Variants in ORM1 observed in about 807,000 individuals in gnomAD.
ORM1 encodes orosomucoid 1, also known as alpha-1-acid glycoprotein 1.
In ORM1, 13 loss-of-function variants were observed where a neutral mutation model predicts 26.9. The ratio of observed to expected loss-of-function variants is 0.48; its 90% confidence interval spans 0.31 to 0.77. The LOEUF is 0.77. ORM1 is among the 30% of genes least tolerant of loss of function. The probability of loss-of-function intolerance (pLI) is 0.04; values close to 1 mark genes in which losing one functional copy is unlikely to be tolerated. For synonymous variants in ORM1, 76 were observed against 102.2 expected (o/e 0.74, Z 1.55); for missense variants, 189 against 246.8 (o/e 0.77, Z 1.57).
intron 1 of ORM1, 143 bp downstream of exon 1, chr9:114,323,390 C>G: frequency 6.8e-7 from 1 of 1,475,538 alleles, no homozygotes; most frequent in Non-Finnish European, 9.3e-7. Context: ...GAAATTCTCA[C>G]CAGCCCAGGG....
chr9:114,325,209 C>T, intron 5 of ORM1, 57 bp downstream of exon 5: 1 of 1,495,126 alleles, frequency 6.7e-7, no homozygotes, highest in Non-Finnish European at 9.3e-7. Flanking sequence ...TTGGGCAGCC[C>T]CAGAGGCCCA....
In ORM1 at chr9:114,325,871, G is replaced by C. The variant is rs568772431; in HGVS notation, c.541-421G>C. On this transcript the variant is annotated intron_variant, in intron 5 of 5. Transcript: ENST00000259396. ...CCCAGGATCCTGGGACAGGGCTTAT[G>C]AACACAACCACTGTAGTCAGCTCAC... Among the ~76,000 whole-genome samples, 23 of 152,266 alleles carry C rather than the reference G, an allele frequency of 1.5e-4. 1 individual carries two copies. The East Asian group carries it at 3.1e-3, about 20-fold the overall frequency.
At chr9:114,325,523 T>C (rs1288882375) in intron 5 of ORM1, among the ~76,000 whole-genome samples, 10 of 151,876 alleles carry the variant, frequency 6.6e-5, no homozygotes. Flanking sequence ...TTAATACCCG[T>C]GCAGTGGGGA....
intron 3 of ORM1, 118 bp from the exon 4 acceptor site, chr9:114,324,672 C>A (rs1313196324): frequency 3.9e-5 from 33 of 843,268 alleles, no homozygotes; most frequent in Admixed American, 1.5e-4. Context: ...CCCAAAGGAG[C>A]CCTGGGCCTT....
intron 5 of ORM1, 62 bp from the exon 6 acceptor site, chr9:114,326,230 A>G (rs527969185): frequency 6.3e-7 from 1 of 1,594,870 alleles, no homozygotes; most frequent in East Asian, 2.3e-5. Context: ...TCCCTGGAAG[A>G]CCTCCCACCC....
At position 114,323,160 on chromosome 9, in the gene ORM1, C is replaced by T. The variant is rs1829709841; in HGVS notation, c.27C>T (p.Val9=). ...TGGCGCTGTCCTGGGTTCTTACAGTCCTGAGCCTCCTACCTCTGCTGGAAG... is the reference window on the plus strand; with the variant it reads ...TGGCGCTGTCCTGGGTTCTTACAGTTCTGAGCCTCCTACCTCTGCTGGAAG... MALSWVLT[V]LSLLPLLEAQ... is the part of the protein sequence containing the mutation. Residue 9 remains valine (V), a synonymous_variant, in exon 1 of 6, where the codon GTC becomes GTT. Coordinates refer to ENST00000259396, the MANE Select transcript of ORM1 (RefSeq NM_000607.4). 1 of 1,526,348 alleles carries T rather than the reference C, an allele frequency of 6.6e-7. No homozygotes were observed. Among genetic ancestry groups the T allele is most frequent in the Non-Finnish European group, 8.9e-7 (1 of 1,129,924 alleles). The allele number at this position is 1,526,348 out of a possible 1,614,324, so 94.6% of individuals were successfully genotyped here.
Position 114,324,890 on chromosome 9 carries a change from T to A in ORM1, c.429T>A (p.Ser143=). The change falls in exon 4 of 6, where the codon TCT becomes TCA. Residue 143 remains serine, a synonymous_variant. Transcript: ENST00000259396. ...ACGATGAGAAGAACTGGGGGCTGTC[T>A]GTCTATGGTAGGCATGCTTAGCAGC... The part of the protein sequence containing the change: ...DVNDEKNWGL[S]VYADKPETTK... The A allele has an allele frequency of 6.2e-7, 1 of 1,613,910 alleles. No individual in the cohort carries two copies.
rs1297541769 is a variant in ORM1 at position 114,324,967 on chromosome 9, C to T, written c.436+70C>T. 9 of 1,589,308 alleles carry T rather than the reference C, an allele frequency of 5.7e-6. No individual in the cohort carries two copies. The Admixed American group carries it at 1.5e-4, about 27-fold the overall frequency. On this transcript the variant is annotated intron_variant, in intron 4 of 5. Coordinates refer to ENST00000259396, the MANE Select transcript of ORM1 (RefSeq NM_000607.4). ...CACCCCCCATTCACCCACCCCTGGG[C>T]TGGCCCCTAGAACCCCAGCCCTCCC...
intron 5 of ORM1, 164 bp downstream of exon 5, chr9:114,325,316 C>T: frequency 1.6e-6 from 1 of 611,152 alleles, no homozygotes; most frequent in East Asian, 2.9e-5. Flanking sequence ...CTACAGAGGC[C>T]CAGGGGTGGT....
chr9:114,325,964 C>T (rs1210017799), intron 5 of ORM1, among the ~76,000 whole-genome samples: 4 of 151,912 alleles, frequency 2.6e-5, no homozygotes, highest in African/African-American at 4.9e-5. Flanking sequence ...GGCCACCCTG[C>T]TCCTCAGTTA....
At chr9:114,323,950 C>A in intron 2 of ORM1, 68 bp from the exon 3 acceptor site, 1 of 1,599,234 alleles carries the variant, frequency 6.3e-7, no homozygotes, top group Non-Finnish European at 8.6e-7. Context: ...TGCCCCAGGA[C>A]TGTGATGGGC....
intron 3 of ORM1, 133 bp from the exon 4 acceptor site, chr9:114,324,657 G>A (rs1409080094): frequency 1.7e-5 from 13 of 755,754 alleles, no homozygotes; most frequent in African/African-American, 1.1e-4. Context: ...CTGGGCACAC[G>A]GTGGCCCAAA....
In ORM1 at chr9:114,323,705, G is replaced by C. The variant is rs140569060; in HGVS notation, c.157G>C (p.Glu53Gln). ...TTATATCGCATCGGCCTTTCGAAAC[G>C]AGGAGTACAATAAGTCGGTTCAGGA... ...WFYIASAFRNEEYNKSVQEIQ... is the reference protein window; with the variant it reads ...WFYIASAFRNQEYNKSVQEIQ... Residue 53 changes from glutamate to glutamine, a missense_variant, in exon 2 of 6, where the codon GAG becomes CAG. Physicochemically the swap from Glu to Gln is conservative, Grantham distance 29 (BLOSUM62 2). Coordinates refer to ENST00000259396, the MANE Select transcript of ORM1 (RefSeq NM_000607.4). 2 of 1,613,878 alleles carry C rather than the reference G, an allele frequency of 1.2e-6. No individual in the cohort carries two copies. Among genetic ancestry groups the C allele is most frequent in the African/African-American group, 2.7e-5 (2 of 74,934 alleles).
chr9:114,325,840 T>G (rs1687384), intron 5 of ORM1, among the ~76,000 whole-genome samples: 2 of 151,630 alleles, frequency 1.3e-5, no homozygotes, highest in East Asian at 3.9e-4. Context: ...TGCCCCCATC[T>G]GCAGTCCCAG....
Position 114,325,045 on chromosome 9 carries a change from G to A in ORM1, c.437-4G>A. On this transcript the variant is annotated splice_polypyrimidine_tract_variant and splice_region_variant and intron_variant, in intron 4 of 5. Transcript: ENST00000259396. Reference sequence around the variant, plus strand: ...CCCAGTCAGTCTCCTTGCTCCCCCTGCAGCTGACAAGCCAGAGACGACCAA... The same window carrying A: ...CCCAGTCAGTCTCCTTGCTCCCCCTACAGCTGACAAGCCAGAGACGACCAA... The A allele has an allele frequency of 6.2e-7, 1 of 1,613,696 alleles. No individual in the cohort carries two copies. The highest frequency in any genetic ancestry group is 8.5e-7 in the Non-Finnish European group (1 of 1,179,704).
At chr9:114,324,920 A>G in intron 4 of ORM1, 23 bp downstream of exon 4, 3 of 1,606,930 alleles carry the variant, frequency 1.9e-6, no homozygotes, top group Non-Finnish European at 2.6e-6. Context: ...AGCAGCCCCA[A>G]ACTCATGCCC....
At chr9:114,323,309 C>T (rs1829713930) in intron 1 of ORM1, 62 bp downstream of exon 1, 1 of 1,613,642 alleles carries the variant, frequency 6.2e-7, no homozygotes, top group Non-Finnish European at 8.5e-7. Context: ...CTCTGGGCTT[C>T]CCTTTCCCTG....
At chr9:114,325,464 C>T (rs1482916848) in intron 5 of ORM1, among the ~76,000 whole-genome samples, 1 of 151,732 alleles carries the variant, frequency 6.6e-6, no homozygotes. Flanking sequence ...CACCTACAGA[C>T]GCGTCCCAAA....
intron 3 of ORM1, 22 bp downstream of exon 3, chr9:114,324,110 G>C (rs1469692314): frequency 6.2e-7 from 1 of 1,611,024 alleles, no homozygotes; most frequent in South Asian, 1.1e-5. Context: ...CCCTCAGGCA[G>C]GAGGGTTCAC....
Sources: allele counts gnomAD v4.1 joint callset (sites outside exome capture counted in the v4.1 genomes callset), GRCh38; gene constraint gnomAD v4.1.1; transcripts MANE v1.5; gene names NCBI Gene and HGNC (gene_info 2026-07-23, HGNC 2026-07-21).